The following GALNT13 variants were observed in gnomAD, a reference collection of about 807,000 sequenced individuals.
GALNT13 encodes the protein UDP-GalNAc:polypeptide N-acetylgalactosaminyltransferase 13.
In GALNT13, 28 loss-of-function variants were observed where a neutral mutation model predicts 64.2. The observed-to-expected ratio is 0.44, with a 90% CI of 0.32 to 0.60. The LOEUF (loss-of-function observed/expected upper bound fraction) is 0.60, where lower values mean the gene tolerates loss of function less well. Among genes scored for constraint, GALNT13 ranks in the 20% least tolerant of loss-of-function variants. The pLI is 0.05. For missense variants in GALNT13, 577 were observed against 669.8 expected (o/e 0.86, Z 1.53); for synonymous variants, 214 against 224.6 (o/e 0.95, Z 0.42).
rs79337866 is a variant in GALNT13, at chr2:154,365,017, C to G, written c.1157-30974C>G. Among the ~76,000 whole-genome samples, 383 of 152,206 alleles carry G rather than the reference C, an allele frequency of 2.5e-3. 4 individuals are homozygous for G. Among genetic ancestry groups the G allele is most frequent in the African/African-American group, 8.6e-3 (359 of 41,542 alleles). Reference sequence around the variant, plus strand: ...TACATTTGCATTCTTGTACTTTTTGCAAAAATATAACTGCCAGTTTAGCAC... The same window carrying G: ...TACATTTGCATTCTTGTACTTTTTGGAAAAATATAACTGCCAGTTTAGCAC... On this transcript the variant is annotated intron_variant, in intron 9 of 12. Transcript: ENST00000392825.
At chr2:153,128,396 TTGTGAGACTTATTCAC>T in the GALNT13 span, among the ~76,000 whole-genome samples, 2 of 152,132 alleles carry the variant, frequency 1.3e-5, no homozygotes, top group Non-Finnish European at 2.9e-5. Context: ...CCATCATATC[TTGTGAGACTTATTCAC>T]TGTCATGAGA....
chr2:153,429,944 G>A, the GALNT13 span, among the ~76,000 whole-genome samples: 3 of 152,028 alleles, frequency 2.0e-5, no homozygotes, highest in Admixed American at 6.6e-5. Flanking sequence ...TCCTCACCAG[G>A]AGAGTGAGTC....
chr2:153,667,692 T>C, the GALNT13 span, among the ~76,000 whole-genome samples: 875 of 152,304 alleles, frequency 5.7e-3, 11 homozygotes, highest in African/African-American at 0.02. Flanking sequence ...ACATAGAGCA[T>C]TGATGCTATA....
At chr2:153,464,886 C>T in the GALNT13 span, among the ~76,000 whole-genome samples, 9 of 151,866 alleles carry the variant, frequency 5.9e-5, no homozygotes, top group African/African-American at 1.2e-4. Context: ...AGGTGATGTA[C>T]GAAGAATAAT....
chr2:153,934,355 G>C (rs976696564), intron 2 of GALNT13, among the ~76,000 whole-genome samples: 3 of 152,144 alleles, frequency 2.0e-5, no homozygotes, highest in Non-Finnish European at 2.9e-5. Flanking sequence ...TACACAGACA[G>C]ACACACATAC....
rs184774570 is a variant in GALNT13 at position 154,026,863 on chromosome 2, T to G, written c.142+82224T>G. On this transcript the variant is annotated intron_variant, in intron 3 of 12. Coordinates refer to ENST00000392825, the MANE Select transcript of GALNT13 (RefSeq NM_052917.4). ...TGACACCTAAGAATTGGAAGTATAG[T>G]TGGGTATGCCTCATCATGAGAATGG... Among the ~76,000 whole-genome samples the G allele has an allele frequency of 4.6e-5, 7 of 152,236 alleles. No homozygotes were observed. In the East Asian group the frequency reaches 1.2e-3, roughly 25 times the overall value.
At chr2:154,152,464 C>T (rs1023997452) in intron 4 of GALNT13, among the ~76,000 whole-genome samples, 7 of 152,204 alleles carry the variant, frequency 4.6e-5, no homozygotes, top group African/African-American at 1.4e-4. Context: ...TTTCCTGAAT[C>T]CAAATGTTGG....
chr2:153,788,119 T>A, the GALNT13 span, among the ~76,000 whole-genome samples: 24 of 151,944 alleles, frequency 1.6e-4, no homozygotes, highest in African/African-American at 5.8e-4. Context: ...CAAAAATAGA[T>A]CATCCTCAAG....
At chr2:154,111,217 T>C (rs987481642) in intron 3 of GALNT13, among the ~76,000 whole-genome samples, 4 of 152,194 alleles carry the variant, frequency 2.6e-5, no homozygotes, top group African/African-American at 7.2e-5. Flanking sequence ...ATGGTTTTTT[T>C]CCTGGTGGAG....
chr2:154,162,974 A>AT (rs199932056), intron 4 of GALNT13, among the ~76,000 whole-genome samples: 83 of 140,802 alleles, frequency 5.9e-4, no homozygotes, highest in South Asian at 1.4e-3. Context: ...TTATTTTTCT[A>AT]TTTTTTTTTT....
intron 3 of GALNT13, among the ~76,000 whole-genome samples, chr2:154,122,255 A>T (rs561298927): frequency 6.6e-6 from 1 of 152,028 alleles, no homozygotes; most frequent in African/African-American, 2.4e-5. Context: ...CTTTTTTATT[A>T]TAAATAAATT....
chr2:154,145,102 A>C (rs1432253865), intron 4 of GALNT13, among the ~76,000 whole-genome samples: 3 of 124,382 alleles, frequency 2.4e-5, no homozygotes, highest in African/African-American at 3.4e-5. Flanking sequence ...CTATCTATCT[A>C]TATATATATA....
At position 154,268,628 on chromosome 2, in the gene GALNT13, G is replaced by C. The variant is rs866498989; in HGVS notation, c.975+9490G>C. Among the ~76,000 whole-genome samples the C allele has an allele frequency of 3.9e-5, 6 of 152,000 alleles. 1 individual carries two copies. The highest frequency in any genetic ancestry group is 4.1e-4 in the South Asian group (2 of 4,828). ...AAGAATTAAAACACACACACACAGA[G>C]AGAGAGACAGAGAGAGAGAGAGAGG... On this transcript the variant is annotated intron_variant, in intron 8 of 12. Coordinates refer to ENST00000392825, the MANE Select transcript of GALNT13 (RefSeq NM_052917.4).
intron 9 of GALNT13, among the ~76,000 whole-genome samples, chr2:154,359,331 CAA>C (rs1696931802): frequency 6.6e-6 from 1 of 152,040 alleles, no homozygotes; most frequent in African/African-American, 2.4e-5. Context: ...ACTCCAAGTT[CAA>C]ATGACAAGAG....
rs548981519 is a variant in GALNT13, at chr2:154,378,925, G to T, written c.1157-17066G>T. On this transcript the variant is annotated intron_variant, in intron 9 of 12. Transcript: ENST00000392825. ...CCTCTACTTTGGCTTGGATTGTCAA[G>T]ACTCTTCTCTCTTCATTTAAAATTT... Among the ~76,000 whole-genome samples, 4 of 152,100 alleles carry T rather than the reference G, an allele frequency of 2.6e-5. 1 individual carries two copies. The highest frequency in any genetic ancestry group is 9.6e-5 in the African/African-American group (4 of 41,514).
At chr2:154,212,182 G>T (rs1687809298) in intron 4 of GALNT13, among the ~76,000 whole-genome samples, 1 of 152,088 alleles carries the variant, frequency 6.6e-6, no homozygotes, top group Non-Finnish European at 1.5e-5. Flanking sequence ...TGTTCTGAAT[G>T]TGTACAAAAT....
intron 4 of GALNT13, among the ~76,000 whole-genome samples, chr2:154,166,374 C>T (rs912246466): frequency 3.3e-5 from 5 of 152,224 alleles, no homozygotes; most frequent in Non-Finnish European, 5.9e-5. Context: ...CACTGCACTT[C>T]AGCCTGGGCA....
the GALNT13 span, among the ~76,000 whole-genome samples, chr2:153,345,592 A>C: frequency 6.8e-6 from 1 of 148,140 alleles, no homozygotes; most frequent in Non-Finnish European, 1.5e-5. Flanking sequence ...CCCAACCCCC[A>C]CGTGCCCTCC....
intron 4 of GALNT13, among the ~76,000 whole-genome samples, chr2:154,207,876 C>T (rs1440519623): frequency 2.0e-5 from 3 of 152,096 alleles, no homozygotes; most frequent in African/African-American, 7.2e-5. Flanking sequence ...CCTCAGAGAG[C>T]ATAGTATTAG....
Sources: gnomAD v4.1 joint callset for allele counts (sites outside exome capture counted in the v4.1 genomes callset) on GRCh38, gnomAD v4.1.1 for gene constraint, MANE v1.5 for transcripts, NCBI Gene and HGNC (gene_info 2026-07-23, HGNC 2026-07-21) for gene names.